Variants in PTGER3 observed in about 807,000 individuals in gnomAD.
PTGER3 encodes the protein prostaglandin E receptor 3, also known as prostaglandin E2 receptor EP3 subtype.
In PTGER3, 22 loss-of-function variants were observed where a neutral mutation model predicts 34.7. The observed-to-expected ratio is 0.63, with a 90% CI of 0.45 to 0.91. The LOEUF is 0.91. PTGER3 is among the 40% of genes least tolerant of loss of function. PTGER3 has a pLI of 0.00. For synonymous variants in PTGER3, 241 were observed against 230.1 expected, an observed-to-expected ratio of 1.05 and a Z score of -0.43; for missense variants, 468 against 519.4, an observed-to-expected ratio of 0.90 and a Z score of 0.96.
At chr1:71,042,147 C>T (rs951550633) in intron 1 of PTGER3, among the ~76,000 whole-genome samples, 1 of 151,848 alleles carries the variant, frequency 6.6e-6, no homozygotes, top group Non-Finnish European at 1.5e-5. Context: ...ATTCTTGGCT[C>T]TTTCTGATAA....
intron 2 of PTGER3, among the ~76,000 whole-genome samples, chr1:71,001,288 A>G (rs1268372415): frequency 6.6e-6 from 1 of 152,200 alleles, no homozygotes; most frequent in Non-Finnish European, 1.5e-5. Flanking sequence ...ATAAAAATCT[A>G]TGTAACTTAC....
At chr1:71,042,201 C>T (rs1660378332) in intron 1 of PTGER3, among the ~76,000 whole-genome samples, 1 of 150,730 alleles carries the variant, frequency 6.6e-6, no homozygotes, top group South Asian at 2.1e-4. Context: ...AGGGACTAAC[C>T]ATCTAAATTT....
intron 2 of PTGER3, chr1:71,006,118 C>T (rs916314124): frequency 3.2e-6 from 3 of 948,190 alleles, no homozygotes; most frequent in East Asian, 1.2e-4. Context: ...TCTGTTATCT[C>T]TCTTATCTAG....
chr1:70,905,033 CTCCAGTTGT>C (rs2100356564), intron 4 of PTGER3, among the ~76,000 whole-genome samples: 1 of 152,244 alleles, frequency 6.6e-6, no homozygotes, highest in South Asian at 2.1e-4. Context: ...GTCTCAGCTG[CTCCAGTTGT>C]GGCTTAAAAG....
chr1:71,041,932 C>T (rs1321625544), intron 1 of PTGER3, among the ~76,000 whole-genome samples: 1 of 152,184 alleles, frequency 6.6e-6, no homozygotes, highest in Non-Finnish European at 1.5e-5. Flanking sequence ...CCCTCTGCAC[C>T]CTCAGATGAA....
intron 2 of PTGER3, among the ~76,000 whole-genome samples, chr1:70,983,622 T>C (rs1654610340): frequency 6.6e-6 from 1 of 152,184 alleles, no homozygotes; most frequent in African/African-American, 2.4e-5. Context: ...AGAAGCTCTT[T>C]ATATGTCAAA....
chr1:71,003,092 T>G (rs1252823957), intron 2 of PTGER3, among the ~76,000 whole-genome samples: 1 of 152,196 alleles, frequency 6.6e-6, no homozygotes, highest in Non-Finnish European at 1.5e-5. Flanking sequence ...TTGCTCTGCA[T>G]TTTTCCCTCC....
At chr1:70,896,819 A>C (rs866197984) in intron 4 of PTGER3, among the ~76,000 whole-genome samples, 1 of 152,154 alleles carries the variant, frequency 6.6e-6, no homozygotes, top group African/African-American at 2.4e-5. Context: ...GGAGCTTTTC[A>C]GACTCTCCTT....
rs758947409 is a variant in PTGER3, at chr1:70,930,632, A to T, written c.*23+23131T>A. ...ATGGGAGGCAAAAGGCACTTCTTAC[A>T]TGGCAGTGGCAAGAGAAAATGAGGA... On this transcript the variant is annotated intron_variant, in intron 4 of 4. Coordinates refer to the PTGER3 transcript ENST00000370931. 3.3e-5 allele frequency among the ~76,000 whole-genome samples: 5 copies of T among 152,266 alleles called. No individual in the cohort carries two copies. The South Asian group carries it at 1.0e-3, about 32-fold the overall frequency.
chr1:70,987,366 T>G lies in PTGER3; in HGVS notation c.1078-12978A>C, dbSNP rs564513044. On this transcript the variant is annotated intron_variant, in intron 2 of 3. Transcript: ENST00000306666. Reference sequence around the variant, plus strand: ...AATAGGAGTCAATCAAGGGTCTCATTGCAATTTTATCTACAGTTTTTTACA... The same window carrying G: ...AATAGGAGTCAATCAAGGGTCTCATGGCAATTTTATCTACAGTTTTTTACA... 3.3e-5 allele frequency among the ~76,000 whole-genome samples: 5 copies of G among 152,346 alleles called. No individual in the cohort carries two copies. In the East Asian group the frequency reaches 7.7e-4, roughly 23 times the overall value.
At chr1:70,920,998 T>C (rs1174697104) in intron 4 of PTGER3, among the ~76,000 whole-genome samples, 1 of 152,248 alleles carries the variant, frequency 6.6e-6, no homozygotes, top group Non-Finnish European at 1.5e-5. Flanking sequence ...ATACATGCAG[T>C]GCTATCACTG....
intron 4 of PTGER3, among the ~76,000 whole-genome samples, chr1:70,945,590 T>C (rs1650152399): frequency 6.6e-6 from 1 of 152,122 alleles, no homozygotes; most frequent in East Asian, 1.9e-4. Context: ...TTGGTGAGAC[T>C]GAACAGATCT....
chr1:70,852,716 G>A (rs1645707822), exon 5 of PTGER3: 2 of 1,177,772 alleles, frequency 1.7e-6, no homozygotes, highest in Middle Eastern at 1.9e-4. Flanking sequence ...ATTTGGGGGT[G>A]GGCTTGGGGG....
chr1:70,883,185 G>A (rs1395335123), intron 4 of PTGER3, among the ~76,000 whole-genome samples: 1 of 152,148 alleles, frequency 6.6e-6, no homozygotes, highest in Non-Finnish European at 1.5e-5. Flanking sequence ...TTGAACATGA[G>A]TATTTTTATG....
intron 1 of PTGER3, among the ~76,000 whole-genome samples, chr1:71,040,439 T>TA (rs56787559): frequency 0.022 from 3,190 of 148,022 alleles, 110 homozygotes; most frequent in African/African-American, 0.072. Flanking sequence ...CCGTCTCTAG[T>TA]AAAAAAAAAA....
chr1:70,935,662 T>C (rs1297063425), intron 4 of PTGER3, among the ~76,000 whole-genome samples: 3 of 86,094 alleles, frequency 3.5e-5, no homozygotes. Context: ...GTACTAAGGA[T>C]ACAAATATAA....
chr1:70,996,795 G>T (rs981522737), intron 2 of PTGER3, among the ~76,000 whole-genome samples: 27 of 148,780 alleles, frequency 1.8e-4, no homozygotes, highest in African/African-American at 6.7e-4. Context: ...TCCGGAGTAG[G>T]TGGGACTACA....
intron 2 of PTGER3, among the ~76,000 whole-genome samples, chr1:70,961,411 C>T (rs1289596434): frequency 6.6e-6 from 1 of 152,184 alleles, no homozygotes; most frequent in African/African-American, 2.4e-5. Flanking sequence ...CCTTGAATTT[C>T]CTGATCCCAT....
downstream of PTGER3, among the ~76,000 whole-genome samples, chr1:70,951,858 A>C (rs1243010589): frequency 6.6e-6 from 1 of 152,214 alleles, no homozygotes; most frequent in African/African-American, 2.4e-5. Flanking sequence ...TAAATAGGAC[A>C]GGCACCATGA....
Sources: allele counts gnomAD v4.1 joint callset (sites outside exome capture counted in the v4.1 genomes callset), GRCh38; gene constraint gnomAD v4.1.1; transcripts MANE v1.5; gene names NCBI Gene and HGNC (gene_info 2026-07-23, HGNC 2026-07-21).